Variants in LIN7A observed in about 807,000 individuals in gnomAD.
LIN7A encodes lin-7 cell polarity scaffold A, also known as protein lin-7 homolog A.
A neutral mutation model predicts 29.8 loss-of-function variants in LIN7A; 25 were observed. That is an observed-to-expected ratio of 0.84 (90% confidence interval 0.61 to 1.17). The LOEUF is 1.17. LIN7A is among the 50% of genes most tolerant of loss of function. LIN7A has a pLI of 0.00. For synonymous variants in LIN7A, 118 were observed against 107.5 expected (o/e 1.10, Z -0.60); for missense variants, 239 against 287.0 (o/e 0.83, Z 1.21).
intron 1 of LIN7A, among the ~76,000 whole-genome samples, chr12:80,928,058 T>C (rs1877701614): frequency 6.6e-6 from 1 of 152,208 alleles, no homozygotes; most frequent in Non-Finnish European, 1.5e-5. Flanking sequence ...TATGGCTGCA[T>C]AGTATTCCAT....
intron 1 of LIN7A, among the ~76,000 whole-genome samples, chr12:80,925,175 T>C (rs528605658): frequency 3.9e-5 from 6 of 152,318 alleles, no homozygotes; most frequent in Non-Finnish European, 1.5e-5. Flanking sequence ...AAAACACATA[T>C]TTTTAGGGTG....
At chr12:80,936,928 T>G (rs938032713) in intron 1 of LIN7A, 4 of 151,490 alleles carry the variant, frequency 2.6e-5, no homozygotes, top group Admixed American at 1.3e-4. Flanking sequence ...AAGCCGAGAG[T>G]TGCTATCGAC....
At chr12:80,818,094 AAC>A (rs1321900042) in intron 4 of LIN7A, among the ~76,000 whole-genome samples, 1 of 152,126 alleles carries the variant, frequency 6.6e-6, no homozygotes, top group African/African-American at 2.4e-5. Flanking sequence ...CCAAAAAGAT[AAC>A]AGTGATTATT....
chr12:80,821,792 T>C (rs1871819079), intron 4 of LIN7A, among the ~76,000 whole-genome samples: 1 of 152,158 alleles, frequency 6.6e-6, no homozygotes, highest in Non-Finnish European at 1.5e-5. Flanking sequence ...GACCCAGGCA[T>C]CTCTGCATTC....
At chr12:80,829,046 C>T (rs909870635) in intron 4 of LIN7A, among the ~76,000 whole-genome samples, 3 of 151,988 alleles carry the variant, frequency 2.0e-5, no homozygotes, top group Admixed American at 6.6e-5. Context: ...CAGTATCATC[C>T]CATAAGGATC....
chr12:80,879,244 T>A (rs1468933499), intron 2 of LIN7A, among the ~76,000 whole-genome samples: 2 of 151,390 alleles, frequency 1.3e-5, no homozygotes, highest in East Asian at 3.9e-4. Context: ...TAGACCTTAT[T>A]AATTAGTCTT....
intron 1 of LIN7A, among the ~76,000 whole-genome samples, chr12:80,925,847 C>A (rs755478336): frequency 5.9e-5 from 9 of 152,158 alleles, no homozygotes; most frequent in Non-Finnish European, 1.2e-4. Context: ...ATTTTGCTGT[C>A]CATTATCTCA....
intron 4 of LIN7A, among the ~76,000 whole-genome samples, chr12:80,819,825 G>C (rs190867255): frequency 1.5e-3 from 226 of 152,276 alleles, no homozygotes; most frequent in Non-Finnish European, 2.4e-3. Flanking sequence ...ACAAACATTA[G>C]TTCTTTGTTG....
intron 4 of LIN7A, among the ~76,000 whole-genome samples, chr12:80,837,707 A>T (rs574155340): frequency 1.3e-5 from 2 of 152,336 alleles, no homozygotes; most frequent in Admixed American, 6.5e-5. Context: ...TAATATACAC[A>T]TAACGGAGTT....
rs1000914618 is a variant in LIN7A, at chr12:80,795,819, T to C, written c.*1908A>G. 3 of 152,152 alleles carry C rather than the reference T, an allele frequency of 2.0e-5. No individual in the cohort carries two copies. Among genetic ancestry groups the C allele is most frequent in the Non-Finnish European group, 2.9e-5 (2 of 67,994 alleles). The allele number at this position is 152,152 out of a possible 1,614,324, so 9.4% of individuals were successfully genotyped here. A position where few individuals can be genotyped will look rare whatever the true frequency, so the allele number is the denominator to read the frequency against. On this transcript the variant is annotated 3_prime_UTR_variant, in exon 6 of 6. Coordinates refer to ENST00000552864, the MANE Select transcript of LIN7A (RefSeq NM_004664.4). ...CTTTCAAACTGAATAATACATCGTC[T>C]CCATTCATTCCCTTTTATCATGCTT...
intron 4 of LIN7A, among the ~76,000 whole-genome samples, chr12:80,811,960 G>A (rs1272140108): frequency 6.6e-6 from 1 of 151,994 alleles, no homozygotes; most frequent in Non-Finnish European, 1.5e-5. Flanking sequence ...CATTAGGAAT[G>A]AAATTTCCAA....
intron 4 of LIN7A, among the ~76,000 whole-genome samples, chr12:80,817,952 G>T (rs1871611612): frequency 6.6e-6 from 1 of 152,146 alleles, no homozygotes; most frequent in African/African-American, 2.4e-5. Flanking sequence ...GCAACTCCTA[G>T]CTCAAAAGTG....
chr12:80,879,645 C>CAAAAAAAAA (rs530877505), intron 2 of LIN7A, among the ~76,000 whole-genome samples: 2 of 58,726 alleles, frequency 3.4e-5, no homozygotes, highest in Non-Finnish European at 5.3e-5. Context: ...TGGAGCAGCC[C>CAAAAAAAAA]AAAAAAAAAA....
intron 1 of LIN7A, among the ~76,000 whole-genome samples, chr12:80,893,455 T>C (rs1349892551): frequency 6.6e-6 from 1 of 152,164 alleles, no homozygotes; most frequent in Non-Finnish European, 1.5e-5. Flanking sequence ...AAAAATATTG[T>C]TCAAAAAAGA....
intron 2 of LIN7A, 76 bp downstream of exon 2, chr12:80,889,175 G>C: frequency 1.2e-6 from 1 of 816,882 alleles, no homozygotes; most frequent in South Asian, 1.4e-5. Context: ...AATTTCAACT[G>C]TTTGTGTAGA....
intron 4 of LIN7A, among the ~76,000 whole-genome samples, chr12:80,834,228 G>A (rs1872512536): frequency 6.6e-6 from 1 of 152,094 alleles, no homozygotes; most frequent in African/African-American, 2.4e-5. Flanking sequence ...GATAAGATAG[G>A]TTCAGGCTGA....
At chr12:80,864,961 GTACT>G (rs138875010) in intron 2 of LIN7A, among the ~76,000 whole-genome samples, 3 of 152,304 alleles carry the variant, frequency 2.0e-5, no homozygotes, top group Admixed American at 1.3e-4. Flanking sequence ...TGCTTCATTA[GTACT>G]TACCCTCAAT....
chr12:80,808,065 C>T lies in LIN7A; in HGVS notation c.*3400G>A, dbSNP rs530162119. Among the ~76,000 whole-genome samples the T allele has an allele frequency of 1.4e-3, 219 of 152,318 alleles. 3 individuals carry two copies. The Middle Eastern group carries it at 0.027, about 19-fold the overall frequency. On this transcript the variant is annotated intron_variant, in intron 5 of 5. Transcript: ENST00000552864. ...CTGGTCCCCAGCTATCCTATTGACCCCATAGCCACCACCACTGTTCTTCTG... is the reference window on the plus strand; with the variant it reads ...CTGGTCCCCAGCTATCCTATTGACCTCATAGCCACCACCACTGTTCTTCTG...
intron 2 of LIN7A, among the ~76,000 whole-genome samples, chr12:80,869,149 A>AATATATAT (rs1555225727): frequency 4.8e-5 from 7 of 145,468 alleles, no homozygotes; most frequent in African/African-American, 1.8e-4. Flanking sequence ...TAAATAAATA[A>AATATATAT]ATATATATAT....
Sources: gnomAD v4.1 joint callset for allele counts (sites outside exome capture counted in the v4.1 genomes callset) on GRCh38, gnomAD v4.1.1 for gene constraint, MANE v1.5 for transcripts, NCBI Gene and HGNC (gene_info 2026-07-23, HGNC 2026-07-21) for gene names.